GOLGA4: variants seen among roughly 807,000 people sequenced by gnomAD.
GOLGA4 encodes the protein golgin subfamily A member 4.
A neutral mutation model predicts 265.9 loss-of-function variants in GOLGA4; 169 were observed. That is an observed-to-expected ratio of 0.64 (90% CI 0.56 to 0.72). The LOEUF (loss-of-function observed/expected upper bound fraction) is 0.72. GOLGA4 is among the 30% of genes least tolerant of loss of function. The probability of loss-of-function intolerance (pLI) is 0.00; values close to 1 mark genes in which losing one functional copy is unlikely to be tolerated. For synonymous variants in GOLGA4, 923 were observed against 855.8 expected, an observed-to-expected ratio of 1.08 and a Z score of -1.37; for missense variants, 2,482 against 2,483.4, an observed-to-expected ratio of 1.00 and a Z score of 0.01.
intron 11 of GOLGA4, among the ~76,000 whole-genome samples, chr3:37,317,457 A>G (rs1206375172): frequency 1.3e-5 from 2 of 152,232 alleles, no homozygotes; most frequent in East Asian, 3.8e-4. Flanking sequence ...GGCGTGAGCC[A>G]CTGTGCCTGG....
At chr3:37,262,322 A>G (rs964597061) in intron 2 of GOLGA4, among the ~76,000 whole-genome samples, 3 of 152,292 alleles carry the variant, frequency 2.0e-5, no homozygotes, top group East Asian at 3.9e-4. Context: ...CCTGGCCAAC[A>G]TGGCAAAACC....
chr3:37,259,611 A>G (rs2096763840), intron 2 of GOLGA4, among the ~76,000 whole-genome samples: 1 of 152,174 alleles, frequency 6.6e-6, no homozygotes, highest in East Asian at 1.9e-4. Flanking sequence ...GATCTTTTGA[A>G]GAACAAACCT....
At chr3:37,269,024 A>T (rs1361684288) in intron 2 of GOLGA4, among the ~76,000 whole-genome samples, 1 of 152,216 alleles carries the variant, frequency 6.6e-6, no homozygotes, top group Non-Finnish European at 1.5e-5. Flanking sequence ...GTTTACCCCA[A>T]ATTCTAAAAT....
chr3:37,327,239 G>A lies in GOLGA4; in HGVS notation c.5353G>A (p.Ala1785Thr). The A allele has an allele frequency of 6.2e-7, 1 of 1,613,828 alleles. No individual in the cohort carries two copies. Among genetic ancestry groups the A allele is most frequent in the Non-Finnish European group, 8.5e-7 (1 of 1,179,812 alleles). The change falls in exon 14 of 24, where the codon GCA becomes ACA. Residue 1785 changes from alanine to threonine, a missense_variant. This residue lies in a region of GOLGA4 where 942 missense variants were observed against 983.1 expected (regional missense o/e 0.96). Transcript: ENST00000361924. ...ERLIKLEHAEAKQHEDQSMIG... is the reference protein window; with the variant it reads ...ERLIKLEHAETKQHEDQSMIG... ...CTTAATAAAGCTAGAACATGCTGAG[G>A]CAAAGCAACATGAAGATCAAAGTAT...
chr3:37,274,190 C>G (rs1370855997), intron 2 of GOLGA4, among the ~76,000 whole-genome samples: 1 of 151,288 alleles, frequency 6.6e-6, no homozygotes, highest in Non-Finnish European at 1.5e-5. Context: ...TATAAAAGAT[C>G]ATGGAGGTAG....
intron 10 of GOLGA4, among the ~76,000 whole-genome samples, chr3:37,309,833 A>G (rs952332128): frequency 6.6e-6 from 1 of 152,262 alleles, no homozygotes; most frequent in African/African-American, 2.4e-5. Flanking sequence ...TATTTGGAAA[A>G]GGGAGAATCT....
At chr3:37,268,512 A>G (rs958327202) in intron 2 of GOLGA4, among the ~76,000 whole-genome samples, 4 of 151,722 alleles carry the variant, frequency 2.6e-5, no homozygotes, top group Admixed American at 2.0e-4. Context: ...AGTCATTTGT[A>G]TTGAGTACTT....
chr3:37,360,754 A>G (rs958191274), intron 22 of GOLGA4, among the ~76,000 whole-genome samples: 2 of 152,174 alleles, frequency 1.3e-5, no homozygotes, highest in Non-Finnish European at 2.9e-5. Flanking sequence ...TTGAATTACA[A>G]GAGAGTTATT....
chr3:37,354,873 A>G (rs781264751), intron 21 of GOLGA4, among the ~76,000 whole-genome samples: 3 of 152,124 alleles, frequency 2.0e-5, no homozygotes, highest in Non-Finnish European at 4.4e-5. Flanking sequence ...GCTTCATGCT[A>G]TTGTAAATGC....
At chr3:37,263,423 T>C (rs1300954018) in intron 2 of GOLGA4, among the ~76,000 whole-genome samples, 3 of 152,110 alleles carry the variant, frequency 2.0e-5, no homozygotes, top group Non-Finnish European at 4.4e-5. Context: ...TCCTTACTGA[T>C]CCAACCAGGA....
chr3:37,358,651 G>A lies in GOLGA4; in HGVS notation c.6664-2592G>A, dbSNP rs114862779. Among the ~76,000 whole-genome samples the A allele has an allele frequency of 1.8e-3, 269 of 152,290 alleles. 1 individual carries two copies. Among genetic ancestry groups the A allele is most frequent in the African/African-American group, 6.0e-3 (251 of 41,552 alleles). On this transcript the variant is annotated intron_variant, in intron 22 of 23. Coordinates refer to ENST00000361924, the MANE Select transcript of GOLGA4 (RefSeq NM_002078.5). ...TGCGCTGAGTGATAATGTAGGGATG[G>A]TGGTGATAATTATTTAGCCTCCTTT...
intron 23 of GOLGA4, among the ~76,000 whole-genome samples, chr3:37,363,888 G>A (rs530543009): frequency 2.6e-4 from 39 of 152,208 alleles, no homozygotes; most frequent in African/African-American, 8.9e-4. Flanking sequence ...TTTTAATGAT[G>A]CAGCATTGTT....
chr3:37,361,389 G>T (rs922992271), intron 23 of GOLGA4, 84 bp downstream of exon 23: 4 of 901,928 alleles, frequency 4.4e-6, no homozygotes, highest in Non-Finnish European at 7.2e-6. Context: ...GAATTCTTTT[G>T]CTCTTGTTTA....
intron 10 of GOLGA4, among the ~76,000 whole-genome samples, chr3:37,308,816 C>T (rs1578621098): frequency 6.6e-6 from 1 of 151,982 alleles, no homozygotes; most frequent in Non-Finnish European, 1.5e-5. Context: ...GGAGTTTCAC[C>T]GTGTTAGCCA....
intron 21 of GOLGA4, among the ~76,000 whole-genome samples, chr3:37,349,853 T>A (rs1271897945): frequency 6.6e-6 from 1 of 152,206 alleles, no homozygotes. Context: ...CTTCGTCTGC[T>A]TTTGTACACA....
chr3:37,305,531 C>T (rs1320303795), intron 10 of GOLGA4, among the ~76,000 whole-genome samples: 1 of 152,058 alleles, frequency 6.6e-6, no homozygotes, highest in African/African-American at 2.4e-5. Flanking sequence ...CAATTAAGTA[C>T]TAAACATAAG....
intron 2 of GOLGA4, among the ~76,000 whole-genome samples, chr3:37,263,803 A>G (rs2096776632): frequency 6.6e-6 from 1 of 152,224 alleles, no homozygotes; most frequent in Non-Finnish European, 1.5e-5. Flanking sequence ...ATATAACTTC[A>G]GTGTTGATTC....
chr3:37,339,694 A>C, intron 19 of GOLGA4, among the ~76,000 whole-genome samples: 1 of 152,322 alleles, frequency 6.6e-6, no homozygotes. Flanking sequence ...CTTTAGAGCA[A>C]TGTCTACTCA....
In GOLGA4 at chr3:37,323,837, C is replaced by T; in HGVS notation, c.1951C>T (p.Gln651Ter). 6.2e-7 allele frequency: 1 copy of T among 1,609,606 alleles called. No individual in the cohort carries two copies. The highest frequency in any genetic ancestry group is 8.5e-7 in the Non-Finnish European group (1 of 1,179,042). ...GGAAAAACTTAGGGAAAAGTGTGAA[C>T]AAGAAAAAGAAACATTGTTGAAAGA... Reference protein sequence around the residue: ...EMEKLREKCEQEKETLLKDKE... With the variant: ...EMEKLREKCE Residue 651 changes from glutamine (Q) to a stop codon, truncating the protein, a stop_gained, in exon 14 of 24, where the codon CAA (glutamine) becomes TAA (stop). Transcript: ENST00000361924. LOFTEE classifies it high-confidence loss of function.
Sources: allele counts gnomAD v4.1 joint callset (sites outside exome capture counted in the v4.1 genomes callset), GRCh38; gene constraint gnomAD v4.1.1; regional missense constraint gnomAD v4.1.1; transcripts MANE v1.5; gene names NCBI Gene and HGNC (gene_info 2026-07-23, HGNC 2026-07-21).